Variants in PRDM10 observed in about 807,000 individuals in gnomAD.
The protein encoded by PRDM10 is PR domain zinc finger protein 10.
In PRDM10, 65 loss-of-function variants were observed where a neutral mutation model predicts 133.1. The ratio of observed to expected loss-of-function variants is 0.49; its 90% CI spans 0.40 to 0.60. The LOEUF (loss-of-function observed/expected upper bound fraction) is 0.60, where lower values mean the gene tolerates loss of function less well. Ranked by LOEUF, PRDM10 falls within the 20% of genes least tolerant of loss-of-function variation. PRDM10 has a pLI of 0.00. For missense variants in PRDM10, 1,137 were observed against 1,507.1 expected, an observed-to-expected ratio of 0.75 and a Z score of 4.07; for synonymous variants, 582 against 580.4, an observed-to-expected ratio of 1.00 and a Z score of -0.04.
intron 2 of PRDM10, among the ~76,000 whole-genome samples, chr11:129,958,236 A>G (rs560199724): frequency 6.6e-6 from 1 of 152,304 alleles, no homozygotes; most frequent in African/African-American, 2.4e-5. Flanking sequence ...AAACATACAA[A>G]TTACTCTGTG....
At chr11:129,981,533 A>G (rs1193019526) in intron 1 of PRDM10, among the ~76,000 whole-genome samples, 25 of 152,178 alleles carry the variant, frequency 1.6e-4, no homozygotes. Flanking sequence ...ACACCTTTTC[A>G]GACACTGAAA....
intron 1 of PRDM10, among the ~76,000 whole-genome samples, chr11:130,001,029 C>A (rs1295720946): frequency 6.6e-6 from 1 of 152,124 alleles, no homozygotes. Flanking sequence ...ATCCCTTGAG[C>A]CCGGGAGGTC....
At chr11:129,929,530 C>T in intron 11 of PRDM10, 2 of 916,504 alleles carry the variant, frequency 2.2e-6, no homozygotes, top group Non-Finnish European at 3.2e-6. Context: ...TGAAAAAATA[C>T]ATAGCCCTAC....
intron 15 of PRDM10, 29 bp downstream of exon 15, chr11:129,917,098 G>T: frequency 6.6e-7 from 1 of 1,522,252 alleles, no homozygotes. Flanking sequence ...AACCCCAGTG[G>T]CATACCAATA....
chr11:129,976,865 T>C (rs548459084), intron 1 of PRDM10, among the ~76,000 whole-genome samples: 1 of 144,980 alleles, frequency 6.9e-6, no homozygotes, highest in African/African-American at 2.7e-5. Flanking sequence ...CCATATGAGA[T>C]GGGGAAGCCC....
intron 6 of PRDM10, among the ~76,000 whole-genome samples, chr11:129,943,528 T>G (rs938539878): frequency 6.6e-6 from 1 of 152,078 alleles, no homozygotes; most frequent in African/African-American, 2.4e-5. Context: ...ATGAGGTCAT[T>G]AGGGTGGGCC....
chr11:129,931,208 G>A lies in PRDM10; in HGVS notation c.1338C>T (p.Ala446=). ...TKEQFDEAEP[A]TLNGLDQPEQ... ...CTGGTTGATCCAGCCCATTCAGAGTGGCTGGTTCAGCCTCATCAAATTGCT... is the reference window on the plus strand; with the variant it reads ...CTGGTTGATCCAGCCCATTCAGAGTAGCTGGTTCAGCCTCATCAAATTGCT... The change falls in exon 11 of 21, where the codon GCC becomes GCT. Residue 446 remains alanine (A), a synonymous_variant. Transcript: ENST00000360871. 2 of 1,614,136 alleles carry A rather than the reference G, an allele frequency of 1.2e-6. No individual in the cohort carries two copies. Among genetic ancestry groups the A allele is most frequent in the South Asian group, 1.1e-5 (1 of 91,078 alleles).
chr11:129,912,894 C>T (rs1284032059), intron 17 of PRDM10, among the ~76,000 whole-genome samples: 3 of 151,198 alleles, frequency 2.0e-5, no homozygotes, highest in African/African-American at 2.4e-5. Flanking sequence ...ACCCTGTCTC[C>T]ACTAAAAATA....
intron 1 of PRDM10, among the ~76,000 whole-genome samples, chr11:129,975,174 C>T (rs1388513231): frequency 6.6e-6 from 1 of 152,174 alleles, no homozygotes; most frequent in Non-Finnish European, 1.5e-5. Context: ...CGCCTGTAAT[C>T]CCAGCACTTT....
chr11:129,971,773 AGTGGATCCCGCACCGGGGCTGCAG>A (rs1381553167), intron 1 of PRDM10, among the ~76,000 whole-genome samples: 7 of 152,236 alleles, frequency 4.6e-5, no homozygotes, highest in African/African-American at 1.7e-4. Context: ...GGCTTCACCC[AGTGGATCCCGCACCGGGGCTGCAG>A]GTGGAGCTGC....
At chr11:129,948,034 G>A (rs1210558076) in intron 4 of PRDM10, 1 of 456,648 alleles carries the variant, frequency 2.2e-6, no homozygotes, top group African/African-American at 2.0e-5. Context: ...AAACAGCTCA[G>A]GCAGGCTGAG....
At chr11:129,950,432 A>G (rs1263676611) in intron 4 of PRDM10, among the ~76,000 whole-genome samples, 2 of 152,170 alleles carry the variant, frequency 1.3e-5, no homozygotes, top group Non-Finnish European at 2.9e-5. Context: ...CCACTTCTGC[A>G]ATTCAGGGTC....
chr11:129,965,171 GA>G (rs1001366885), intron 1 of PRDM10, among the ~76,000 whole-genome samples: 1 of 151,918 alleles, frequency 6.6e-6, no homozygotes, highest in African/African-American at 2.4e-5. Context: ...AACGCAAAAG[GA>G]AGAGGTTGCA....
At position 129,947,009 on chromosome 11, in the gene PRDM10, C is replaced by T. The variant is rs2135883571; in HGVS notation, c.520+136G>A. The T allele has an allele frequency of 8.2e-7, 1 of 1,226,338 alleles. No homozygotes were observed. The highest frequency in any genetic ancestry group is 1.1e-6 in the Non-Finnish European group (1 of 881,806). The allele number at this position is 1,226,338 out of a possible 1,614,324, so 76.0% of individuals were successfully genotyped here. ...GCAGTGAAGGCCAGGTGGGATGAAGCAAGCAGAGAATGTAGCACAGTTGGC... is the reference window on the plus strand; with the variant it reads ...GCAGTGAAGGCCAGGTGGGATGAAGTAAGCAGAGAATGTAGCACAGTTGGC... On this transcript the variant is annotated intron_variant, in intron 5 of 20. Transcript: ENST00000360871. This position sits in a 1 kb window ranked among gnomAD's most constrained non-coding sequence, Gnocchi z 4.6.
chr11:129,976,114 A>G (rs1937741958), intron 1 of PRDM10, among the ~76,000 whole-genome samples: 1 of 152,148 alleles, frequency 6.6e-6, no homozygotes, highest in Non-Finnish European at 1.5e-5. Context: ...TAGAGGCCTG[A>G]TCAGCACAGG....
In PRDM10 at chr11:129,947,017, G is replaced by T; in HGVS notation, c.520+128C>A. 7.8e-7 allele frequency: 1 copy of T among 1,289,138 alleles called. No individual in the cohort carries two copies. The highest frequency in any genetic ancestry group is 1.1e-6 in the Non-Finnish European group (1 of 933,702). 79.9% of individuals were successfully genotyped at this position (1,289,138 alleles called of 1,614,324 possible). A position where few individuals can be genotyped will look rare whatever the true frequency, so the allele number is the denominator to read the frequency against. On this transcript the variant is annotated intron_variant, in intron 5 of 20. Transcript: ENST00000360871. This position sits in a 1 kb window ranked among gnomAD's most constrained non-coding sequence, Gnocchi z 4.6. ...GGCCAGGTGGGATGAAGCAAGCAGAGAATGTAGCACAGTTGGCTGCACACG... is the reference window on the plus strand; with the variant it reads ...GGCCAGGTGGGATGAAGCAAGCAGATAATGTAGCACAGTTGGCTGCACACG...
intron 12 of PRDM10, among the ~76,000 whole-genome samples, chr11:129,924,395 C>A (rs906250400): frequency 8.5e-5 from 13 of 152,200 alleles, no homozygotes; most frequent in Non-Finnish European, 1.8e-4. Context: ...TTTGCTCCAA[C>A]AAAGAATACA....
chr11:129,910,702 T>C (rs1219988112), intron 18 of PRDM10, 46 bp from the exon 19 acceptor site: 1 of 1,416,228 alleles, frequency 7.1e-7, no homozygotes, highest in African/African-American at 1.4e-5. Flanking sequence ...GAGCTTCTAA[T>C]ATAGTGAAGA....
At chr11:129,994,651 TTTTC>T (rs890875360) in intron 1 of PRDM10, among the ~76,000 whole-genome samples, 5 of 151,484 alleles carry the variant, frequency 3.3e-5, no homozygotes, top group Non-Finnish European at 5.9e-5. Flanking sequence ...AAATTTCTTT[TTTTC>T]TTTCTCTTTT....
Sources: gnomAD v4.1 joint callset for allele counts (sites outside exome capture counted in the v4.1 genomes callset) on GRCh38, gnomAD v4.1.1 for gene constraint, Gnocchi (gnomAD v3.1) non-coding constraint, MANE v1.5 for transcripts, NCBI Gene and HGNC (gene_info 2026-07-23, HGNC 2026-07-21) for gene names.